The following IQUB variants were observed in gnomAD, a reference collection of about 807,000 sequenced individuals.
IQUB encodes IQ motif and ubiquitin domain containing, also known as IQ motif and ubiquitin-like domain-containing protein.
In IQUB, 86 loss-of-function variants were observed where a neutral mutation model predicts 86.4. That is an observed-to-expected ratio of 1.00 (90% CI 0.84 to 1.19). The LOEUF is 1.19. Among genes scored for constraint, IQUB ranks in the 50% most tolerant of loss-of-function variants. The probability of loss-of-function intolerance (pLI) is 0.00; values close to 1 mark genes in which losing one functional copy is unlikely to be tolerated. For missense variants in IQUB, 946 were observed against 916.9 expected (o/e 1.03, Z -0.41); for synonymous variants, 289 against 304.5 (o/e 0.95, Z 0.53).
At chr7:123,506,851 T>C (rs1796200644) in intron 3 of IQUB, among the ~76,000 whole-genome samples, 3 of 152,170 alleles carry the variant, frequency 2.0e-5, no homozygotes, top group African/African-American at 7.2e-5. Flanking sequence ...TAAGCCAGTT[T>C]TGTGCTAGAA....
At chr7:123,503,983 G>A (rs1796062871) in intron 3 of IQUB, among the ~76,000 whole-genome samples, 1 of 151,916 alleles carries the variant, frequency 6.6e-6, no homozygotes, top group Non-Finnish European at 1.5e-5. Context: ...GGTATGAGCA[G>A]AATAATATGC....
At chr7:123,518,031 G>A (rs549461454) in intron 1 of IQUB, among the ~76,000 whole-genome samples, 1 of 152,236 alleles carries the variant, frequency 6.6e-6, no homozygotes, top group South Asian at 2.1e-4. Flanking sequence ...TGATCCAATA[G>A]GCCTAAGATA....
At position 123,502,928 on chromosome 7, in the gene IQUB, C is replaced by T. The variant is rs1322867397; in HGVS notation, c.867+16G>A. The T allele has an allele frequency of 5.7e-6, 9 of 1,592,678 alleles. No individual in the cohort carries two copies. Among genetic ancestry groups the T allele is most frequent in the Non-Finnish European group, 6.8e-6 (8 of 1,170,348 alleles). On this transcript the variant is annotated intron_variant, in intron 5 of 12. Transcript: ENST00000324698. ...CTATACCTTCAAAAACCTAAAGAGA[C>T]AAATAAAAACATTACCTGCGTATCC... is the stretch of plus-strand genomic sequence containing the variant.
intron 1 of IQUB, among the ~76,000 whole-genome samples, chr7:123,519,291 G>C (rs1208943381): frequency 6.6e-6 from 1 of 152,156 alleles, no homozygotes; most frequent in South Asian, 2.1e-4. Flanking sequence ...ATATAATCCA[G>C]CAATTCCACT....
chr7:123,510,651 G>A (rs1796375813), intron 2 of IQUB, among the ~76,000 whole-genome samples: 1 of 151,896 alleles, frequency 6.6e-6, no homozygotes, highest in Non-Finnish European at 1.5e-5. Flanking sequence ...TAAAGACTGT[G>A]GATCAAAAAA....
At chr7:123,515,785 T>G (rs771513350) in intron 1 of IQUB, among the ~76,000 whole-genome samples, 10 of 152,178 alleles carry the variant, frequency 6.6e-5, no homozygotes, top group Non-Finnish European at 1.3e-4. Flanking sequence ...TAAAGACAAG[T>G]GGTACACACA....
At chr7:123,513,143 T>C (rs1300362548) in intron 1 of IQUB, among the ~76,000 whole-genome samples, 1 of 152,200 alleles carries the variant, frequency 6.6e-6, no homozygotes, top group African/African-American at 2.4e-5. Flanking sequence ...GGAAAAGCTC[T>C]CTCTGGGGCT....
chr7:123,462,352 T>TAA (rs1052475681), intron 10 of IQUB, among the ~76,000 whole-genome samples: 5 of 151,858 alleles, frequency 3.3e-5, no homozygotes, highest in Non-Finnish European at 7.4e-5. Context: ...CAATGTTCTA[T>TAA]AAATTTTTTC....
rs761758902 is a variant in IQUB at position 123,452,879 on chromosome 7, A to AG, written c.2239dup (p.Leu747ProfsTer3). 2.5e-6 allele frequency: 4 copies of AG among 1,613,384 alleles called. No homozygotes were observed. Among genetic ancestry groups the AG allele is most frequent in the African/African-American group, 2.7e-5 (2 of 74,906 alleles). On this transcript the variant is annotated frameshift_variant, in exon 13 of 13. Coordinates refer to ENST00000324698, the MANE Select transcript of IQUB (RefSeq NM_178827.5). LOFTEE classifies it low-confidence loss of function (END_TRUNC). ...AACCTGAGAAAAATAGTTCTTAGCC[A>AG]GGATATGTTTGTGTTTGATCTTGTG...
At position 123,488,699 on chromosome 7, in the gene IQUB, T is replaced by C. The variant is rs983114544; in HGVS notation, c.1234+7997A>G. Among the ~76,000 whole-genome samples the C allele has an allele frequency of 2.0e-5, 3 of 152,234 alleles. No homozygotes were observed. The East Asian group carries it at 5.8e-4, about 29-fold the overall frequency. On this transcript the variant is annotated intron_variant, in intron 7 of 12. Coordinates refer to ENST00000324698, the MANE Select transcript of IQUB (RefSeq NM_178827.5). ...AAGAAAGAGCAATCAGTATGAGGCC[T>C]GTTTGGGGAAAATTGCCTTACCCCA...
chr7:123,491,658 C>A (rs892102877), intron 7 of IQUB, among the ~76,000 whole-genome samples: 12 of 151,974 alleles, frequency 7.9e-5, no homozygotes, highest in Non-Finnish European at 1.8e-4. Context: ...ACATGAATAC[C>A]CCTATATTTA....
chr7:123,493,872 G>A (rs1475773144), intron 7 of IQUB, among the ~76,000 whole-genome samples: 9 of 151,276 alleles, frequency 5.9e-5, no homozygotes, highest in Admixed American at 5.9e-4. Context: ...AACTAGTTGG[G>A]GGGGCAGGGA....
chr7:123,508,936 A>G (rs1289211912), intron 3 of IQUB, among the ~76,000 whole-genome samples: 1 of 152,204 alleles, frequency 6.6e-6, no homozygotes, highest in Non-Finnish European at 1.5e-5. Context: ...CAATAAATTA[A>G]TCACCAACAC....
At chr7:123,483,201 T>A (rs533398221) in intron 7 of IQUB, among the ~76,000 whole-genome samples, 2 of 152,160 alleles carry the variant, frequency 1.3e-5, no homozygotes, top group East Asian at 1.9e-4. Context: ...TTCTCTTCCA[T>A]CCACAGAGGT....
intron 8 of IQUB, among the ~76,000 whole-genome samples, chr7:123,474,152 A>G (rs1165404506): frequency 2.0e-5 from 3 of 152,358 alleles, no homozygotes; most frequent in Admixed American, 1.3e-4. Context: ...GACTCAAAAA[A>G]GTGAAACTGA....
intron 7 of IQUB, among the ~76,000 whole-genome samples, chr7:123,493,774 T>TGTGTGTGTGC (rs1449280726): frequency 2.8e-5 from 4 of 144,740 alleles, no homozygotes; most frequent in Non-Finnish European, 6.1e-5. Flanking sequence ...TGTGTGTGTG[T>TGTGTGTGTGC]GCATGTGTGT....
chr7:123,499,012 A>T (rs1795829042), intron 6 of IQUB, among the ~76,000 whole-genome samples: 2 of 152,234 alleles, frequency 1.3e-5, no homozygotes, highest in Non-Finnish European at 2.9e-5. Context: ...TAGGTGAGAA[A>T]ATCTTTTAGC....
intron 7 of IQUB, among the ~76,000 whole-genome samples, chr7:123,490,877 T>A (rs1305159182): frequency 6.6e-6 from 1 of 151,720 alleles, no homozygotes; most frequent in African/African-American, 2.4e-5. Context: ...GGCAGGAGAA[T>A]CGCTTGAACC....
chr7:123,497,582 T>C (rs1485499586), intron 6 of IQUB, among the ~76,000 whole-genome samples: 1 of 151,954 alleles, frequency 6.6e-6, no homozygotes, highest in Admixed American at 6.6e-5. Context: ...TGAGAGAGTT[T>C]ATCATTTTTT....
Sources: gnomAD v4.1 joint callset for allele counts (sites outside exome capture counted in the v4.1 genomes callset) on GRCh38, gnomAD v4.1.1 for gene constraint, MANE v1.5 for transcripts, NCBI Gene and HGNC (gene_info 2026-07-23, HGNC 2026-07-21) for gene names.